The following CD247 variants were observed in gnomAD, a reference collection of about 807,000 sequenced individuals.
CD247 encodes T-cell surface glycoprotein CD3 zeta chain.
Under a neutral mutation model 30.0 loss-of-function variants are expected in CD247, and 13 were observed. That is an observed-to-expected ratio of 0.43 (90% confidence interval 0.28 to 0.69). The LOEUF is 0.69. CD247 is among the 30% of genes least tolerant of loss of function. The pLI, the probability that CD247 is intolerant of heterozygous loss-of-function variation, is 0.16. For synonymous variants in CD247, 72 were observed against 80.0 expected, an observed-to-expected ratio of 0.90 and a Z score of 0.53; for missense variants, 193 against 212.6, an observed-to-expected ratio of 0.91 and a Z score of 0.57.
chr1:167,468,141 T>G (rs1480671248), intron 1 of CD247, among the ~76,000 whole-genome samples: 2 of 152,232 alleles, frequency 1.3e-5, no homozygotes, highest in East Asian at 3.9e-4. Flanking sequence ...ATTCTTTATG[T>G]GATACCCAAT....
intron 1 of CD247, among the ~76,000 whole-genome samples, chr1:167,497,209 C>T (rs753055273): frequency 2.2e-4 from 33 of 152,160 alleles, no homozygotes; most frequent in Non-Finnish European, 3.2e-4. Flanking sequence ...AGAACAGTTA[C>T]GAAATAAAAT....
chr1:167,513,182 A>C (rs1655466706), intron 1 of CD247, among the ~76,000 whole-genome samples: 2 of 152,258 alleles, frequency 1.3e-5, no homozygotes, highest in African/African-American at 2.4e-5. Flanking sequence ...AATTAAAAAC[A>C]ATCACAAAGG....
In CD247 at chr1:167,459,582, A is replaced by ACTTCAGGTCATCCGCCTGC. The variant is rs1652900796; in HGVS notation, c.59-18834_59-18816dup. 2.0e-5 allele frequency: 3 copies of ACTTCAGGTCATCCGCCTGC among 152,158 alleles called. No homozygotes were observed. The South Asian group carries it at 6.2e-4, about 32-fold the overall frequency. The allele number at this position is 152,158 out of a possible 1,614,324, so 9.4% of individuals were successfully genotyped here. On this transcript the variant is annotated intron_variant, in intron 1 of 7. Transcript: ENST00000362089. The stretch of plus-strand genomic sequence containing the variant: ...TGGCCAGGCTTGTCTCAAACTCCTG[A>ACTTCAGGTCATCCGCCTGC]CTTCAGGTCATCCGCCTGCCTTAGC...
Position 167,508,005 on chromosome 1 carries a change from C to T in CD247, c.58+10403G>A, listed in dbSNP as rs1269772570. ...TGAGACTTTGTGTTTACAGCCATAG[C>T]TAAAAACTAACAGATGTGTCTTCCA... On this transcript the variant is annotated intron_variant, in intron 1 of 7. Transcript: ENST00000362089. Among the ~76,000 whole-genome samples the T allele has an allele frequency of 2.0e-5, 3 of 152,148 alleles. No individual in the cohort carries two copies. The East Asian group carries it at 5.8e-4, about 29-fold the overall frequency.
intron 1 of CD247, among the ~76,000 whole-genome samples, chr1:167,483,824 C>T (rs1157674820): frequency 6.6e-6 from 1 of 152,192 alleles, no homozygotes; most frequent in African/African-American, 2.4e-5. Context: ...AGCTTTGAAC[C>T]CAGGGCATGC....
At chr1:167,493,196 C>T (rs1654530992) in intron 1 of CD247, among the ~76,000 whole-genome samples, 1 of 151,946 alleles carries the variant, frequency 6.6e-6, no homozygotes, top group Admixed American at 6.6e-5. Context: ...GTGTCCACCA[C>T]TATGCCCAGC....
intron 1 of CD247, among the ~76,000 whole-genome samples, chr1:167,500,730 G>A (rs1260603938): frequency 6.6e-6 from 1 of 152,206 alleles, no homozygotes; most frequent in Non-Finnish European, 1.5e-5. Flanking sequence ...GAGAATAACA[G>A]CAAATGCTTT....
intron 5 of CD247, 61 bp from the exon 6 acceptor site, chr1:167,434,137 C>T (rs1379843754): frequency 3.4e-6 from 5 of 1,486,232 alleles, no homozygotes; most frequent in Middle Eastern, 1.7e-4. Flanking sequence ...AGCAGGTTCC[C>T]CTACAACAGG....
intron 1 of CD247, among the ~76,000 whole-genome samples, chr1:167,470,872 C>CTTTTTTTT (rs768647657): frequency 1.4e-4 from 19 of 134,242 alleles, no homozygotes; most frequent in Non-Finnish European, 1.9e-4. Context: ...TTCTTTCTTT[C>CTTTTTTTT]TTTTTTTTTT....
At chr1:167,473,811 C>T (rs1270356401) in intron 1 of CD247, among the ~76,000 whole-genome samples, 2 of 152,238 alleles carry the variant, frequency 1.3e-5, no homozygotes, top group Admixed American at 1.3e-4. Flanking sequence ...CAGCCCCTCA[C>T]TCCTTTGCTG....
intron 1 of CD247, among the ~76,000 whole-genome samples, chr1:167,462,205 A>G (rs1229999911): frequency 6.6e-6 from 1 of 152,184 alleles, no homozygotes; most frequent in African/African-American, 2.4e-5. Context: ...CTCAGGGTTT[A>G]AGATTCTCCT....
chr1:167,506,112 T>A (rs991333977), intron 1 of CD247, among the ~76,000 whole-genome samples: 2 of 152,226 alleles, frequency 1.3e-5, no homozygotes, highest in Non-Finnish European at 2.9e-5. Context: ...GAAGTGGAAC[T>A]TGAAGGTATC....
In CD247 at chr1:167,493,752, C is replaced by T. The variant is rs574790643; in HGVS notation, c.58+24656G>A. 1.4e-3 allele frequency among the ~76,000 whole-genome samples: 208 copies of T among 152,270 alleles called. 1 individual carries two copies. Among genetic ancestry groups the T allele is most frequent in the African/African-American group, 4.8e-3 (201 of 41,546 alleles). ...GACCAGAGGCATCAAGTGACGTGTC[C>T]GAGGCCCCACAGCTAGTTAGGGGCA... On this transcript the variant is annotated intron_variant, in intron 1 of 7. Coordinates refer to ENST00000362089, the MANE Select transcript of CD247 (RefSeq NM_198053.3).
At chr1:167,456,729 C>A (rs192710239) in intron 1 of CD247, among the ~76,000 whole-genome samples, 1 of 152,312 alleles carries the variant, frequency 6.6e-6, no homozygotes, top group South Asian at 2.1e-4. Context: ...TTGCAGAAAG[C>A]CTGCTCTGTG....
At chr1:167,509,596 C>T (rs1378302151) in intron 1 of CD247, among the ~76,000 whole-genome samples, 1 of 152,050 alleles carries the variant, frequency 6.6e-6, no homozygotes, top group East Asian at 1.9e-4. Context: ...TGACATTTTC[C>T]GCTGACAGAT....
rs191805137 is a variant in CD247, at chr1:167,482,810, G to A, written c.58+35598C>T. Among the ~76,000 whole-genome samples the A allele has an allele frequency of 9.5e-4, 145 of 152,228 alleles. 2 individuals carry two copies. The highest frequency in any genetic ancestry group is 7.4e-5 in the Non-Finnish European group (5 of 68,014). On this transcript the variant is annotated intron_variant, in intron 1 of 7. Transcript: ENST00000362089. ...AGATGAGGTGAGGGTAGTTTATCCG[G>A]CCCAGGCTACCACAGCCTGTTAGGA...
At chr1:167,508,264 C>T (rs560271776) in intron 1 of CD247, among the ~76,000 whole-genome samples, 2 of 152,138 alleles carry the variant, frequency 1.3e-5, no homozygotes, top group African/African-American at 2.4e-5. Context: ...CGAGATGCTC[C>T]GTTGAAATGG....
chr1:167,436,238 G>A (rs1210773412), intron 4 of CD247, among the ~76,000 whole-genome samples: 2 of 152,142 alleles, frequency 1.3e-5, no homozygotes, highest in African/African-American at 2.4e-5. Flanking sequence ...CTAGATGCAG[G>A]AAAAGCATTT....
At chr1:167,517,360 G>C (rs924544235) in intron 1 of CD247, among the ~76,000 whole-genome samples, 5 of 152,338 alleles carry the variant, frequency 3.3e-5, no homozygotes, top group Non-Finnish European at 5.9e-5. Flanking sequence ...CGATCAGGTG[G>C]GCCGAGGACA....
Sources: allele counts gnomAD v4.1 joint callset (sites outside exome capture counted in the v4.1 genomes callset), GRCh38; gene constraint gnomAD v4.1.1; transcripts MANE v1.5; gene names NCBI Gene and HGNC (gene_info 2026-07-23, HGNC 2026-07-21).